GRM1: variants seen among roughly 807,000 people sequenced by gnomAD.
GRM1 encodes glutamate metabotropic receptor 1.
A neutral mutation model predicts 90.9 loss-of-function variants in GRM1; 33 were observed. The ratio of observed to expected loss-of-function variants is 0.36; its 90% CI spans 0.28 to 0.49. The LOEUF is 0.49. GRM1 is among the 20% of genes least tolerant of loss of function. The probability of loss-of-function intolerance (pLI) is 0.99; values close to 1 mark genes in which losing one functional copy is unlikely to be tolerated. For missense variants in GRM1, 1,190 were observed against 1,534.3 expected (o/e 0.78, Z 3.75); for synonymous variants, 700 against 613.2 (o/e 1.14, Z -2.09).
chr6:146,434,894 G>T lies in GRM1; in HGVS notation c.*98G>T. On this transcript the variant is annotated 3_prime_UTR_variant, in exon 8 of 8. Coordinates refer to ENST00000282753, the MANE Select transcript of GRM1 (RefSeq NM_001278064.2). The stretch of plus-strand genomic sequence containing the variant: ...GGGAGGAAAAGCCTGGGAGTGGGGG[G>T]CCTCGTCGGGAGGACAGGAGACCGC... 1.9e-6 allele frequency: 2 copies of T among 1,062,124 alleles called. No homozygotes were observed. Among genetic ancestry groups the T allele is most frequent in the East Asian group, 2.4e-5 (1 of 40,844 alleles). 65.8% of individuals were successfully genotyped at this position (1,062,124 alleles called of 1,614,324 possible).
intron 2 of GRM1, among the ~76,000 whole-genome samples, chr6:146,277,938 T>A (rs1782433680): frequency 6.6e-6 from 1 of 152,172 alleles, no homozygotes. Flanking sequence ...AATTAAAAGC[T>A]TAATAGTTAA....
chr6:146,343,197 G>A (rs1250170095), intron 3 of GRM1, among the ~76,000 whole-genome samples: 1 of 151,982 alleles, frequency 6.6e-6, no homozygotes, highest in Non-Finnish European at 1.5e-5. Flanking sequence ...GGGAGAGGAA[G>A]GCCAAAAGAA....
In GRM1 at chr6:146,364,359, C is replaced by T. The variant is rs768051961; in HGVS notation, c.1602+6665C>T. ...ATGATAGCAAGAGAATTGTTTAGAC[C>T]GAAATCTACCTCAAGTAAATTATCC... On this transcript the variant is annotated intron_variant, in intron 5 of 7. Transcript: ENST00000282753. Among the ~76,000 whole-genome samples the T allele has an allele frequency of 5.9e-5, 9 of 152,220 alleles. No homozygotes were observed. In the East Asian group the frequency reaches 7.7e-4, roughly 13 times the overall value.
chr6:146,309,600 C>T (rs1413035984), intron 3 of GRM1, among the ~76,000 whole-genome samples: 1 of 151,616 alleles, frequency 6.6e-6, no homozygotes, highest in Non-Finnish European at 1.5e-5. Context: ...TCTTTATAAC[C>T]ACCATTTTAA....
At chr6:146,059,993 A>G (rs1416096448) in intron 1 of GRM1, among the ~76,000 whole-genome samples, 1 of 152,112 alleles carries the variant, frequency 6.6e-6, no homozygotes, top group African/African-American at 2.4e-5. Context: ...TAACAGCAAT[A>G]AGGCTGTTTC....
intron 2 of GRM1, among the ~76,000 whole-genome samples, chr6:146,197,777 G>A (rs1779170884): frequency 6.6e-6 from 1 of 152,148 alleles, no homozygotes; most frequent in Admixed American, 6.5e-5. Flanking sequence ...CCAAAAGAAT[G>A]TCAACATATG....
intron 6 of GRM1, among the ~76,000 whole-genome samples, chr6:146,393,935 C>G (rs956007411): frequency 1.3e-5 from 2 of 151,986 alleles, no homozygotes; most frequent in African/African-American, 2.4e-5. Flanking sequence ...CAATGGAACA[C>G]AACAGAGGCC....
chr6:146,364,009 G>A (rs1045325229), intron 5 of GRM1, among the ~76,000 whole-genome samples: 10 of 152,176 alleles, frequency 6.6e-5, no homozygotes, highest in Non-Finnish European at 1.0e-4. Flanking sequence ...GAGGATAGAC[G>A]ACGCATCCGC....
At position 146,030,037 on chromosome 6, in the gene GRM1, C is replaced by T; in HGVS notation, c.520C>T (p.Leu174=). The T allele has an allele frequency of 1.2e-6, 2 of 1,614,204 alleles. No individual in the cohort carries two copies. Among genetic ancestry groups the T allele is most frequent in the Non-Finnish European group, 1.7e-6 (2 of 1,180,034 alleles). ...CTCTGTAGCCATTCAAGTGCAGAAC[C>T]TGCTCCAGCTCTTCGACATCCCCCA... ...SSSVAIQVQN[L]LQLFDIPQIA... Residue 174 remains leucine (L), a synonymous_variant, in exon 1 of 8, where the codon CTG becomes TTG. Coordinates refer to ENST00000282753, the MANE Select transcript of GRM1 (RefSeq NM_001278064.2).
intron 2 of GRM1, among the ~76,000 whole-genome samples, chr6:146,237,990 CCTGGTTACAAATCACAG>C (rs748557307): frequency 2.0e-5 from 3 of 152,102 alleles, no homozygotes; most frequent in African/African-American, 4.8e-5. Flanking sequence ...TGCAATGACC[CCTGGTTACAAATCACAG>C]CTGCTAACTA....
Position 146,267,641 on chromosome 6 carries a change from CGCTGG to C in GRM1, c.951-36931_951-36927del, listed in dbSNP as rs1244975929. On this transcript the variant is annotated intron_variant, in intron 2 of 7. Transcript: ENST00000282753. ...TGGGAGGCTGGGCTGGGCTGGGCTG[CGCTGG>C]GCTGGGCTGGGCTGGGCTGGGCTGG... 1.6e-3 allele frequency among the ~76,000 whole-genome samples: 87 copies of C among 54,742 alleles called. No homozygotes were observed. In the East Asian group the frequency reaches 0.017, roughly 11 times the overall value. 35.9% of individuals were successfully genotyped at this position (54,742 alleles called of 152,430 possible).
chr6:146,266,017 T>C (rs967848632), intron 2 of GRM1, among the ~76,000 whole-genome samples: 2 of 152,156 alleles, frequency 1.3e-5, no homozygotes, highest in African/African-American at 2.4e-5. Flanking sequence ...GGTGAAACCC[T>C]GTCTCTACTA....
chr6:146,141,341 G>T (rs1776874107), intron 1 of GRM1, among the ~76,000 whole-genome samples: 1 of 143,808 alleles, frequency 7.0e-6, no homozygotes, highest in East Asian at 2.1e-4. Context: ...TTGGGAATTT[G>T]ATTATTAAAT....
chr6:146,295,974 A>G (rs1201314891), intron 2 of GRM1, among the ~76,000 whole-genome samples: 1 of 152,084 alleles, frequency 6.6e-6, no homozygotes, highest in African/African-American at 2.4e-5. Context: ...AACATCCGGT[A>G]TTTGGTTTTC....
intron 5 of GRM1, among the ~76,000 whole-genome samples, chr6:146,367,263 G>T (rs1214622195): frequency 6.6e-6 from 1 of 152,090 alleles, no homozygotes; most frequent in Non-Finnish European, 1.5e-5. Flanking sequence ...TGGCCTATGT[G>T]TCTGTTTTTA....
chr6:146,415,217 G>T (rs1777734831), intron 7 of GRM1, among the ~76,000 whole-genome samples: 1 of 152,072 alleles, frequency 6.6e-6, no homozygotes, highest in African/African-American at 2.4e-5. Flanking sequence ...TCTTCACCTG[G>T]CAGAGACATT....
rs1056785556 is a variant in GRM1 at position 146,240,968 on chromosome 6, A to T, written c.951-63643A>T. Among the ~76,000 whole-genome samples, 5 of 152,184 alleles carry T rather than the reference A, an allele frequency of 3.3e-5. 1 individual carries two copies. The highest frequency in any genetic ancestry group is 3.3e-4 in the Admixed American group (5 of 15,252). ...AGAGACACAGTTTTCAACTGAACAC[A>T]AGGCCCCTTTGTTGGAGTAGATTCA... On this transcript the variant is annotated intron_variant, in intron 2 of 7. Coordinates refer to ENST00000282753, the MANE Select transcript of GRM1 (RefSeq NM_001278064.2).
chr6:146,040,392 T>G (rs1791055445), intron 1 of GRM1, among the ~76,000 whole-genome samples: 1 of 152,040 alleles, frequency 6.6e-6, no homozygotes, highest in African/African-American at 2.4e-5. Context: ...TCTTATTGCA[T>G]GTTAGTGTCC....
At chr6:146,253,819 T>G (rs1781384913) in intron 2 of GRM1, among the ~76,000 whole-genome samples, 1 of 152,196 alleles carries the variant, frequency 6.6e-6, no homozygotes, top group Admixed American at 6.5e-5. Flanking sequence ...GGCTGTCTGC[T>G]ATTGGCAGCT....
Sources: allele counts gnomAD v4.1 joint callset (sites outside exome capture counted in the v4.1 genomes callset), GRCh38; gene constraint gnomAD v4.1.1; transcripts MANE v1.5; gene names NCBI Gene and HGNC (gene_info 2026-07-23, HGNC 2026-07-21).